Variants in ZNF536 observed in about 807,000 individuals in gnomAD.
ZNF536 encodes the protein zinc finger protein 536.
ZNF536 carries 13 observed loss-of-function variants against 84.5 expected under a neutral mutation model. The observed-to-expected ratio is 0.15, with a 90% CI of 0.10 to 0.24. The LOEUF (loss-of-function observed/expected upper bound fraction) is 0.24, where lower values mean the gene tolerates loss of function less well. Ranked by LOEUF, ZNF536 falls within the 10% of genes least tolerant of loss-of-function variation. ZNF536 has a pLI of 1.00. For synonymous variants in ZNF536, 811 were observed against 742.5 expected, an observed-to-expected ratio of 1.09 and a Z score of -1.50; for missense variants, 1,536 against 1,747.5, an observed-to-expected ratio of 0.88 and a Z score of 2.16.
At chr19:30,683,425 G>C (rs1600253880) in intron 1 of ZNF536, among the ~76,000 whole-genome samples, 1 of 152,178 alleles carries the variant, frequency 6.6e-6, no homozygotes, top group East Asian at 1.9e-4. Flanking sequence ...TTCAAGGAGT[G>C]TTATGGTGTT....
chr19:30,366,324 G>A (rs1032668653), intron 3 of ZNF536, among the ~76,000 whole-genome samples: 3 of 152,158 alleles, frequency 2.0e-5, no homozygotes, highest in Non-Finnish European at 4.4e-5. Flanking sequence ...TGAGCTAGCT[G>A]TCAGTCTGTC....
At chr19:30,345,150 C>T (rs1009871705) in intron 2 of ZNF536, among the ~76,000 whole-genome samples, 22 of 152,210 alleles carry the variant, frequency 1.4e-4, no homozygotes, top group Admixed American at 1.2e-3. Context: ...CTACCATCAT[C>T]CCTATTTTGC....
At chr19:30,493,757 G>A (rs2054604835) in intron 2 of ZNF536, among the ~76,000 whole-genome samples, 1 of 152,160 alleles carries the variant, frequency 6.6e-6, no homozygotes, top group Admixed American at 6.5e-5. Context: ...GTTCCACTTA[G>A]GGGCTGTTCC....
At chr19:30,313,335 C>T (rs1223793548) in intron 2 of ZNF536, among the ~76,000 whole-genome samples, 11 of 152,210 alleles carry the variant, frequency 7.2e-5, no homozygotes, top group Non-Finnish European at 1.5e-4. Flanking sequence ...GCCAAATAAC[C>T]TTAAGTGGTA....
intron 1 of ZNF536, among the ~76,000 whole-genome samples, chr19:30,631,516 G>T (rs73031127): frequency 1.3e-5 from 2 of 152,136 alleles, no homozygotes; most frequent in South Asian, 2.1e-4. Context: ...TACCCCTCTG[G>T]GTCCAGCAGG....
rs550953798 is a variant in ZNF536 at position 30,682,678 on chromosome 19, C to A, written c.170-28079C>A. The stretch of plus-strand genomic sequence containing the variant: ...AGAGATGGTGTCGTTGCTTTCCTGC[C>A]CTCCCTCTCTGCCTCCCCTCAGCCC... On this transcript the variant is annotated intron_variant, in intron 1 of 1. Transcript: ENST00000592773. Among the ~76,000 whole-genome samples, 23 of 152,294 alleles carry A rather than the reference C, an allele frequency of 1.5e-4. 1 individual carries two copies. The South Asian group carries it at 4.8e-3, about 32-fold the overall frequency.
chr19:30,575,403 C>G (rs140896950), intron 1 of ZNF536, among the ~76,000 whole-genome samples: 7 of 152,224 alleles, frequency 4.6e-5, no homozygotes, highest in African/African-American at 1.7e-4. Flanking sequence ...CATCCAGAGC[C>G]TTGCTCTGTT....
At chr19:30,471,909 T>C (rs936977841) in intron 2 of ZNF536, among the ~76,000 whole-genome samples, 1 of 146,096 alleles carries the variant, frequency 6.8e-6, no homozygotes, top group African/African-American at 2.7e-5. Context: ...CAAAGCAGCA[T>C]TTTTTTTTTC....
chr19:30,517,191 T>C (rs904829992), intron 2 of ZNF536, among the ~76,000 whole-genome samples: 6 of 152,224 alleles, frequency 3.9e-5, no homozygotes, highest in Admixed American at 3.9e-4. Context: ...TGAAAGTCTG[T>C]TTCTCTCCCT....
At position 30,515,571 on chromosome 19, in the gene ZNF536, G is replaced by C. The variant is rs1349592996; in HGVS notation, c.2171-19276G>C. On this transcript the variant is annotated intron_variant, in intron 2 of 4. Coordinates refer to ENST00000355537, the MANE Select transcript of ZNF536 (RefSeq NM_014717.3). ...ACAGCGCTCTATGATCACAGCAGCA[G>C]GAAGGCACCTCAGGAAGCCATTGGT... Among the ~76,000 whole-genome samples, 5 of 152,162 alleles carry C rather than the reference G, an allele frequency of 3.3e-5. No individual in the cohort carries two copies. The East Asian group carries it at 9.6e-4, about 29-fold the overall frequency.
At chr19:30,365,913 A>G (rs2048414284) in intron 3 of ZNF536, among the ~76,000 whole-genome samples, 2 of 152,226 alleles carry the variant, frequency 1.3e-5, no homozygotes, top group African/African-American at 4.8e-5. Flanking sequence ...CAGAATAATT[A>G]TATAAGCCTT....
At chr19:30,292,474 C>T (rs1427415943) in intron 2 of ZNF536, among the ~76,000 whole-genome samples, 1 of 152,078 alleles carries the variant, frequency 6.6e-6, no homozygotes, top group Non-Finnish European at 1.5e-5. Flanking sequence ...GCTGGGACTA[C>T]AGGCATGCAC....
At chr19:30,584,273 T>C (rs2047021189) in intron 1 of ZNF536, among the ~76,000 whole-genome samples, 1 of 152,170 alleles carries the variant, frequency 6.6e-6, no homozygotes, top group Non-Finnish European at 1.5e-5. Context: ...TCTCCCCTGC[T>C]CCTTGTGGGA....
intron 2 of ZNF536, among the ~76,000 whole-genome samples, chr19:30,489,097 C>A (rs977010277): frequency 1.3e-5 from 2 of 152,184 alleles, no homozygotes; most frequent in African/African-American, 4.8e-5. Flanking sequence ...CTCAAGCTCT[C>A]TTTTGATACC....
chr19:30,395,804 A>G (rs1251241786), intron 1 of ZNF536, among the ~76,000 whole-genome samples: 1 of 152,212 alleles, frequency 6.6e-6, no homozygotes, highest in Non-Finnish European at 1.5e-5. Flanking sequence ...TAGGTCAGTT[A>G]CATTTTTGTT....
chr19:30,255,794 G>A (rs1050120150), intron 1 of ZNF536, among the ~76,000 whole-genome samples: 1 of 152,192 alleles, frequency 6.6e-6, no homozygotes, highest in Non-Finnish European at 1.5e-5. Context: ...GCAGGTCTTC[G>A]TCTGCATAGA....
At chr19:30,413,043 A>G (rs1343146708) in intron 1 of ZNF536, among the ~76,000 whole-genome samples, 1 of 152,046 alleles carries the variant, frequency 6.6e-6, no homozygotes, top group African/African-American at 2.4e-5. Flanking sequence ...TTATTTTAAA[A>G]TGTGTTTTGT....
chr19:30,645,090 GT>G (rs1226454067), intron 1 of ZNF536, among the ~76,000 whole-genome samples: 5 of 152,130 alleles, frequency 3.3e-5, no homozygotes, highest in African/African-American at 9.7e-5. Context: ...TCTCATTGTG[GT>G]TTTGATTTGC....
intron 1 of ZNF536, among the ~76,000 whole-genome samples, chr19:30,390,831 C>T (rs562497492): frequency 3.3e-5 from 5 of 152,148 alleles, no homozygotes; most frequent in Non-Finnish European, 4.4e-5. Flanking sequence ...ACTCAGCCCC[C>T]GTTGGCACCA....
Sources: allele counts gnomAD v4.1 joint callset (sites outside exome capture counted in the v4.1 genomes callset), GRCh38; gene constraint gnomAD v4.1.1; transcripts MANE v1.5; gene names NCBI Gene and HGNC (gene_info 2026-07-23, HGNC 2026-07-21).